Variants in MYO3B observed in about 807,000 individuals in gnomAD.
The protein encoded by MYO3B is myosin-IIIb.
A neutral mutation model predicts 174.6 loss-of-function variants in MYO3B; 156 were observed. That is an observed-to-expected ratio of 0.89 (90% CI 0.78 to 1.02). The LOEUF is 1.02. Ranked by LOEUF, MYO3B falls within the 50% of genes least tolerant of loss-of-function variation. MYO3B has a pLI of 0.00. For synonymous variants in MYO3B, 563 were observed against 569.1 expected (o/e 0.99, Z 0.15); for missense variants, 1,632 against 1,639.4 (o/e 1.00, Z 0.08).
intron 7 of MYO3B, among the ~76,000 whole-genome samples, chr2:170,281,624 G>C (rs2093511391): frequency 1.3e-5 from 2 of 152,014 alleles, no homozygotes; most frequent in African/African-American, 4.8e-5. Flanking sequence ...AGCACTAAAT[G>C]CCCACGTCAA....
chr2:170,452,297 A>G (rs764486994), intron 23 of MYO3B, among the ~76,000 whole-genome samples: 12 of 152,156 alleles, frequency 7.9e-5, no homozygotes, highest in Non-Finnish European at 1.8e-4. Flanking sequence ...CATGAGGAAA[A>G]CAGGTTTTTT....
intron 25 of MYO3B, among the ~76,000 whole-genome samples, chr2:170,490,240 G>C (rs374426776): frequency 6.6e-6 from 1 of 152,058 alleles, no homozygotes; most frequent in African/African-American, 2.4e-5. Context: ...ATGTTAGCCA[G>C]GATGGTCTCG....
chr2:170,214,819 G>T lies in MYO3B; in HGVS notation c.517G>T (p.Val173Phe), dbSNP rs756085146. The change falls in exon 5 of 35, where the codon GTT (valine) becomes TTT (phenylalanine). Residue 173 changes from valine to phenylalanine, a missense_variant. Transcript: ENST00000408978. ...LLTTEGGVKL[V>F]DFGVSAQLTS... ...GACAACAGAAGGAGGAGTTAAGCTCGTTGACTTTGGTAATGACTGCTTGTC... is the reference window on the plus strand; with the variant it reads ...GACAACAGAAGGAGGAGTTAAGCTCTTTGACTTTGGTAATGACTGCTTGTC... 5.6e-6 allele frequency: 9 copies of T among 1,612,628 alleles called. No individual in the cohort carries two copies. The highest frequency in any genetic ancestry group is 7.6e-6 in the Non-Finnish European group (9 of 1,178,698).
intron 28 of MYO3B, among the ~76,000 whole-genome samples, chr2:170,504,677 C>G (rs959798779): frequency 1.3e-5 from 2 of 152,208 alleles, no homozygotes; most frequent in Non-Finnish European, 2.9e-5. Context: ...ATTAGGAACT[C>G]TGTGTCCTTG....
At position 170,279,066 on chromosome 2, in the gene MYO3B, A is replaced by G. The variant is rs567905363; in HGVS notation, c.749+42930A>G. 1.3e-4 allele frequency among the ~76,000 whole-genome samples: 20 copies of G among 152,104 alleles called. No individual in the cohort carries two copies. The South Asian group carries it at 3.1e-3, about 24-fold the overall frequency. ...TGACAGACATTGAGGTTGATTTTTT[A>G]TCTTTGCTATTGTGAATAGAAACAT... On this transcript the variant is annotated intron_variant, in intron 7 of 34. Coordinates refer to ENST00000408978, the MANE Select transcript of MYO3B (RefSeq NM_138995.5).
chr2:170,220,578 A>G (rs149831607), intron 6 of MYO3B, among the ~76,000 whole-genome samples: 3,591 of 147,338 alleles, frequency 0.024, 57 homozygotes, highest in Non-Finnish European at 0.039. Flanking sequence ...GCAGTGAGCC[A>G]AGATTGCACC....
intron 28 of MYO3B, among the ~76,000 whole-genome samples, chr2:170,514,525 A>T (rs1373768950): frequency 6.6e-6 from 1 of 152,202 alleles, no homozygotes; most frequent in African/African-American, 2.4e-5. Flanking sequence ...CTTCCCTGGT[A>T]GTGGCAACTG....
intron 8 of MYO3B, among the ~76,000 whole-genome samples, chr2:170,363,694 A>G (rs1392594118): frequency 1.3e-5 from 2 of 152,156 alleles, no homozygotes; most frequent in Non-Finnish European, 2.9e-5. Flanking sequence ...TAGAATTTCA[A>G]ATTAGATAGT....
intron 32 of MYO3B, among the ~76,000 whole-genome samples, chr2:170,636,029 C>G (rs571002983): frequency 6.6e-6 from 1 of 152,044 alleles, no homozygotes; most frequent in Non-Finnish European, 1.5e-5. Flanking sequence ...CTGTTTTTTT[C>G]TTTTTAGTCA....
chr2:170,487,751 C>G (rs937804734), intron 25 of MYO3B, among the ~76,000 whole-genome samples: 1 of 152,152 alleles, frequency 6.6e-6, no homozygotes, highest in African/African-American at 2.4e-5. Context: ...AGAGCTCATT[C>G]ATTCTAGGTT....
In MYO3B at chr2:170,407,811, C is replaced by T. The variant is rs2094520465; in HGVS notation, c.2617C>T (p.Gln873Ter). ...GAGAACGTCAGAAAACAAGCTTCTTCAGCAGCTCTTCTCAATCCCTCTGAC... is the reference window on the plus strand; with the variant it reads ...GAGAACGTCAGAAAACAAGCTTCTTTAGCAGCTCTTCTCAATCCCTCTGAC... ...VLRTSENKLL[Q>*]QLFSIPLTKT... The change falls in exon 22 of 35, where the codon CAG (glutamine) becomes TAG (stop). Residue 873 changes from glutamine to a stop codon, truncating the protein, a stop_gained. Coordinates refer to ENST00000408978, the MANE Select transcript of MYO3B (RefSeq NM_138995.5). LOFTEE classifies it high-confidence loss of function. The T allele has an allele frequency of 1.2e-6, 2 of 1,613,944 alleles. No homozygotes were observed. Among genetic ancestry groups the T allele is most frequent in the South Asian group, 1.1e-5 (1 of 91,082 alleles).
At chr2:170,601,067 T>C (rs575980277) in intron 32 of MYO3B, among the ~76,000 whole-genome samples, 1 of 152,290 alleles carries the variant, frequency 6.6e-6, no homozygotes, top group Admixed American at 6.5e-5. Flanking sequence ...TATGAAAGGA[T>C]AAACACTGTA....
At chr2:170,626,616 T>C (rs538021216) in intron 32 of MYO3B, among the ~76,000 whole-genome samples, 16 of 152,334 alleles carry the variant, frequency 1.1e-4, no homozygotes, top group African/African-American at 3.9e-4. Context: ...ATTTTGCTCA[T>C]TAGTTGATGC....
chr2:170,593,070 T>C (rs1023749538), intron 32 of MYO3B, among the ~76,000 whole-genome samples: 1 of 152,126 alleles, frequency 6.6e-6, no homozygotes, highest in African/African-American at 2.4e-5. Context: ...GATCTGTCTG[T>C]CTATAGCGAG....
chr2:170,405,663 G>A, intron 21 of MYO3B, 30 bp downstream of exon 21: 1 of 1,598,240 alleles, frequency 6.3e-7, no homozygotes, highest in East Asian at 2.2e-5. Flanking sequence ...TATTAGACCT[G>A]AATTTGGCAA....
chr2:170,362,556 TC>T (rs1293995696), intron 8 of MYO3B, among the ~76,000 whole-genome samples: 1 of 152,026 alleles, frequency 6.6e-6, no homozygotes, highest in Admixed American at 6.6e-5. Context: ...AAGCTCTCCA[TC>T]CTACCTTCTT....
intron 32 of MYO3B, among the ~76,000 whole-genome samples, chr2:170,632,999 A>T (rs1245966466): frequency 1.3e-5 from 2 of 152,186 alleles, no homozygotes; most frequent in Non-Finnish European, 2.9e-5. Context: ...AACCAAAAAA[A>T]GTCCAGGGTC....
intron 1 of MYO3B, among the ~76,000 whole-genome samples, chr2:170,190,106 C>G (rs1345856829): frequency 1.3e-5 from 2 of 152,184 alleles, no homozygotes; most frequent in Non-Finnish European, 2.9e-5. Context: ...ATATAGGTAC[C>G]ACCATGGTGG....
intron 16 of MYO3B, among the ~76,000 whole-genome samples, chr2:170,393,390 G>T (rs1400371917): frequency 1.3e-5 from 2 of 151,824 alleles, no homozygotes; most frequent in African/African-American, 4.8e-5. Flanking sequence ...GGCCAATACT[G>T]TACTACCCTT....
Sources: gnomAD v4.1 joint callset for allele counts (sites outside exome capture counted in the v4.1 genomes callset) on GRCh38, gnomAD v4.1.1 for gene constraint, MANE v1.5 for transcripts, NCBI Gene and HGNC (gene_info 2026-07-23, HGNC 2026-07-21) for gene names.